The following SP100 variants were observed in gnomAD, a reference collection of about 807,000 sequenced individuals.
SP100 encodes SP100 nuclear body protein.
Under a neutral mutation model 130.0 loss-of-function variants are expected in SP100, and 84 were observed. That is an observed-to-expected ratio of 0.65 (90% CI 0.54 to 0.77). SP100 has a LOEUF of 0.77. SP100 is among the 30% of genes least tolerant of loss of function. SP100 has a pLI of 0.00. For synonymous variants in SP100, 331 were observed against 351.7 expected (o/e 0.94, Z 0.66); for missense variants, 978 against 1,052.2 (o/e 0.93, Z 0.97).
chr2:230,456,074 T>A (rs2064262129), intron 8 of SP100, among the ~76,000 whole-genome samples: 1 of 152,242 alleles, frequency 6.6e-6, no homozygotes, highest in Admixed American at 6.5e-5. Flanking sequence ...GCTTGAGCAT[T>A]TCTTGTAAGA....
chr2:230,539,316 TCTG>T lies in SP100; in HGVS notation c.2149_2151del (p.Cys717del). On this transcript the variant is annotated inframe_deletion, in exon 25 of 29. Transcript: ENST00000340126. ...GTGTGCAACAAATGGGGACGGCTGT[TCTG>T]CTGCGACACTTGTCCAAGATCCTTT... 1 of 1,614,012 alleles carries T rather than the reference TCTG, an allele frequency of 6.2e-7. No homozygotes were observed. The highest frequency in any genetic ancestry group is 8.5e-7 in the Non-Finnish European group (1 of 1,179,892).
intron 17 of SP100, among the ~76,000 whole-genome samples, chr2:230,481,024 TTGGTGGTGGTGGTGG>T (rs80161443): frequency 4.8e-5 from 7 of 144,332 alleles, no homozygotes; most frequent in South Asian, 2.3e-4. Flanking sequence ...AGTGGTAGTA[TTGGTGGTGGTGGTGG>T]TGGTGGTGGT....
chr2:230,470,965 CATAT>C (rs750237651), intron 15 of SP100, among the ~76,000 whole-genome samples: 5 of 151,778 alleles, frequency 3.3e-5, no homozygotes, highest in African/African-American at 1.2e-4. Flanking sequence ...TAAACACACA[CATAT>C]GTGTGTGTAT....
At chr2:230,510,063 C>G (rs1690461034) in intron 23 of SP100, 1 of 152,656 alleles carries the variant, frequency 6.6e-6, no homozygotes, top group Non-Finnish European at 1.5e-5. Context: ...TATACTTTAT[C>G]TTAGCCAAAA....
chr2:230,466,858 C>T (rs1050292176), intron 12 of SP100, among the ~76,000 whole-genome samples: 1 of 152,098 alleles, frequency 6.6e-6, no homozygotes, highest in African/African-American at 2.4e-5. Flanking sequence ...AGACAGAGGG[C>T]CAAGACAAAG....
intron 24 of SP100, chr2:230,515,382 G>A (rs1690853242): frequency 6.2e-7 from 1 of 1,613,790 alleles, no homozygotes; most frequent in Non-Finnish European, 8.5e-7. Context: ...ATCCTGGCCT[G>A]TCCATTGATG....
intron 2 of SP100, among the ~76,000 whole-genome samples, chr2:230,434,239 A>G (rs1405605083): frequency 6.6e-6 from 1 of 152,194 alleles, no homozygotes; most frequent in East Asian, 1.9e-4. Flanking sequence ...AATTACTAGA[A>G]TTAAATAGCT....
intron 17 of SP100, among the ~76,000 whole-genome samples, chr2:230,478,398 T>C (rs1019381107): frequency 3.0e-4 from 45 of 152,322 alleles, no homozygotes; most frequent in Admixed American, 2.1e-3. Flanking sequence ...AATTTTCTAT[T>C]TTGTGGGATT....
intron 24 of SP100, among the ~76,000 whole-genome samples, chr2:230,511,803 G>C (rs1405128691): frequency 6.6e-6 from 1 of 152,146 alleles, no homozygotes. Flanking sequence ...TTCTTGACTG[G>C]TGCTCAATGA....
chr2:230,465,737 C>T (rs1315561006), intron 11 of SP100, among the ~76,000 whole-genome samples: 1 of 152,022 alleles, frequency 6.6e-6, no homozygotes, highest in Non-Finnish European at 1.5e-5. Flanking sequence ...ACCCCCAAAC[C>T]TAAAATAGAA....
At chr2:230,497,706 C>G (rs2066774966) in intron 18 of SP100, among the ~76,000 whole-genome samples, 1 of 152,196 alleles carries the variant, frequency 6.6e-6, no homozygotes, top group Non-Finnish European at 1.5e-5. Flanking sequence ...CTGAATCTAA[C>G]AGCATATTCC....
In SP100 at chr2:230,455,391, A is replaced by G. The variant is rs530051011; in HGVS notation, c.820+5136A>G. Among the ~76,000 whole-genome samples, 72 of 152,138 alleles carry G rather than the reference A, an allele frequency of 4.7e-4. 1 individual carries two copies. The highest frequency in any genetic ancestry group is 1.4e-3 in the African/African-American group (60 of 41,516). ...ATCATGACCTTTTTTGCCTTGTTTT[A>G]TATTATTTGATTCAAACTGTATCTC... is the stretch of plus-strand genomic sequence containing the variant. On this transcript the variant is annotated intron_variant, in intron 8 of 28. Transcript: ENST00000340126.
At chr2:230,514,797 T>C (rs1057050318) in intron 24 of SP100, among the ~76,000 whole-genome samples, 1 of 152,218 alleles carries the variant, frequency 6.6e-6, no homozygotes, top group Admixed American at 6.5e-5. Flanking sequence ...TATCATCAGA[T>C]TGTGTCTGCA....
At position 230,461,112 on chromosome 2, in the gene SP100, G is replaced by C. The variant is rs1027504603; in HGVS notation, c.821-150G>C. On this transcript the variant is annotated intron_variant, in intron 8 of 28. Transcript: ENST00000340126. ...AAAACAGAGCCAAGAGAGGCACAAA[G>C]GAAGGGACAGAGTTGAGCAAAAGGA... The C allele has an allele frequency of 6.1e-6, 4 of 654,344 alleles. No individual in the cohort carries two copies. In the East Asian group the frequency reaches 1.1e-4, roughly 18 times the overall value. 40.5% of individuals were successfully genotyped at this position (654,344 alleles called of 1,614,324 possible).
chr2:230,483,845 A>G (rs1338562025), intron 17 of SP100, among the ~76,000 whole-genome samples: 1 of 152,224 alleles, frequency 6.6e-6, no homozygotes, highest in East Asian at 1.9e-4. Context: ...TTCTAGTAGA[A>G]ATACAGAATA....
intron 15 of SP100, among the ~76,000 whole-genome samples, chr2:230,472,427 CAAA>C (rs201703163): frequency 2.9e-3 from 177 of 61,246 alleles, no homozygotes; most frequent in Non-Finnish European, 3.7e-3. Flanking sequence ...GACTCCGTCT[CAAA>C]AAAAAAAAAA....
At chr2:230,470,957 AACAC>A (rs964045452) in intron 15 of SP100, among the ~76,000 whole-genome samples, 2 of 136,984 alleles carry the variant, frequency 1.5e-5, no homozygotes, top group African/African-American at 5.2e-5. Context: ...TACATACATA[AACAC>A]ACACATATGT....
At chr2:230,500,331 A>G (rs938259908) in intron 19 of SP100, among the ~76,000 whole-genome samples, 40 of 152,312 alleles carry the variant, frequency 2.6e-4, no homozygotes, top group African/African-American at 8.4e-4. Context: ...TGGAAAGCAC[A>G]GTTCTGCGGC....
At chr2:230,505,265 A>G (rs1268503955) in intron 21 of SP100, among the ~76,000 whole-genome samples, 1 of 152,192 alleles carries the variant, frequency 6.6e-6, no homozygotes, top group East Asian at 1.9e-4. Flanking sequence ...ACCCTATGTG[A>G]AAGGCCCACA....
Sources: allele counts gnomAD v4.1 joint callset (sites outside exome capture counted in the v4.1 genomes callset), GRCh38; gene constraint gnomAD v4.1.1; transcripts MANE v1.5; gene names NCBI Gene and HGNC (gene_info 2026-07-23, HGNC 2026-07-21).